The following SENP7 variants were observed in gnomAD, a reference collection of about 807,000 sequenced individuals.
SENP7 encodes the protein SUMO specific peptidase 7.
Under a neutral mutation model 141.2 loss-of-function variants are expected in SENP7, and 64 were observed. That is an observed-to-expected ratio of 0.45 (90% CI 0.37 to 0.56). The LOEUF is 0.56. SENP7 is among the 20% of genes least tolerant of loss of function. The probability of loss-of-function intolerance (pLI) is 0.00; values close to 1 mark genes in which losing one functional copy is unlikely to be tolerated. For synonymous variants in SENP7, 382 were observed against 426.4 expected (o/e 0.90, Z 1.28); for missense variants, 1,025 against 1,212.2 (o/e 0.85, Z 2.29).
intron 11 of SENP7, chr3:101,357,451 T>C: frequency 9.0e-7 from 1 of 1,109,294 alleles, no homozygotes; most frequent in Admixed American, 2.3e-5. Context: ...CGAAGAGACA[T>C]AAGATGATTG....
Position 101,341,745 on chromosome 3 carries a change from G to T in SENP7, c.2141C>A (p.Thr714Asn). 6.2e-7 allele frequency: 1 copy of T among 1,610,376 alleles called. No homozygotes were observed. The highest frequency in any genetic ancestry group is 8.5e-7 in the Non-Finnish European group (1 of 1,177,164). Residue 714 changes from threonine (T) to asparagine (N), a missense_variant, in exon 15 of 24, where the codon ACC (threonine) becomes AAC (asparagine). Physicochemically the swap from Thr to Asn is moderately conservative, Grantham distance 65 (BLOSUM62 0). This residue lies in a region of SENP7 where 295 missense variants were observed against 459.1 expected (regional missense o/e 0.64). Coordinates refer to ENST00000394095, the MANE Select transcript of SENP7 (RefSeq NM_020654.5). ...ACCGCTACTTTGCTTCTGCAGGAAG[G>T]TGTAAGTAGGCTTGGCCGCATCTGT... Reference protein sequence around the residue: ...SNTDAAKPTYTFLQKQSSGCY... With the variant: ...SNTDAAKPTYNFLQKQSSGCY...
chr3:101,504,162 A>AG lies in SENP7; in HGVS notation c.41-3044_41-3043insC, dbSNP rs1195125311. 4.0e-5 allele frequency among the ~76,000 whole-genome samples: 6 copies of AG among 151,696 alleles called. No homozygotes were observed. In the East Asian group the frequency reaches 1.2e-3, roughly 30 times the overall value. ...TAATGTTTTCCTGATCTAAAAAATT[A>AG]TTTTTGGGCCAGGCGCGGTGGCTGA... On this transcript the variant is annotated intron_variant, in intron 1 of 23. Transcript: ENST00000394095.
At chr3:101,433,547 C>T (rs577951552) in intron 4 of SENP7, among the ~76,000 whole-genome samples, 2 of 152,122 alleles carry the variant, frequency 1.3e-5, no homozygotes, top group African/African-American at 4.8e-5. Context: ...TAAAGACACA[C>T]ATAAACTAAA....
chr3:101,467,553 C>T (rs1487208363), intron 3 of SENP7, among the ~76,000 whole-genome samples: 2 of 152,210 alleles, frequency 1.3e-5, no homozygotes, highest in Non-Finnish European at 2.9e-5. Flanking sequence ...ATTGGTGATA[C>T]CCAGGCAAAC....
rs756921348 is a variant in SENP7 at position 101,341,724 on chromosome 3, C to T, written c.2162G>A (p.Ser721Asn). 5.0e-6 allele frequency: 8 copies of T among 1,611,752 alleles called. No individual in the cohort carries two copies. The highest frequency in any genetic ancestry group is 6.8e-6 in the Non-Finnish European group (8 of 1,178,416). ...PTYTFLQKQS[S>N]GCYSLSITSN... The stretch of plus-strand genomic sequence containing the variant: ...TGTAATAGAAAGGGAGTAGCAACCG[C>T]TACTTTGCTTCTGCAGGAAGGTGTA... The change falls in exon 15 of 24, where the codon AGC becomes AAC. Residue 721 changes from serine to asparagine, a missense_variant. By Grantham distance (46) the Ser-to-Asn change is conservative. Coordinates refer to ENST00000394095, the MANE Select transcript of SENP7 (RefSeq NM_020654.5).
At chr3:101,442,765 A>G (rs536701923) in intron 4 of SENP7, among the ~76,000 whole-genome samples, 19 of 152,322 alleles carry the variant, frequency 1.2e-4, no homozygotes, top group Admixed American at 6.5e-4. Context: ...AAAAAACACA[A>G]TTAAGAACTT....
At position 101,348,092 on chromosome 3, in the gene SENP7, T is replaced by C. The variant is rs368227674; in HGVS notation, c.1658-41A>G. 5.3e-5 allele frequency: 74 copies of C among 1,399,516 alleles called. No individual in the cohort carries two copies. The African/African-American group carries it at 9.2e-4, about 17-fold the overall frequency. 86.7% of individuals were successfully genotyped at this position (1,399,516 alleles called of 1,614,324 possible). A position where few individuals can be genotyped will look rare whatever the true frequency, so the allele number is the denominator to read the frequency against. On this transcript the variant is annotated intron_variant, in intron 12 of 23. Coordinates refer to ENST00000394095, the MANE Select transcript of SENP7 (RefSeq NM_020654.5). ...GACAACAATTTAAAAAATTAATCCA[T>C]TTAAGAATACACCACTTAAACATTA...
chr3:101,476,269 G>A (rs1373222109), intron 3 of SENP7, among the ~76,000 whole-genome samples: 4 of 150,960 alleles, frequency 2.6e-5, no homozygotes, highest in Admixed American at 1.3e-4. Flanking sequence ...TCCCCCAAAG[G>A]CCCCAGTGTG....
At chr3:101,375,904 A>G (rs112974281) in intron 6 of SENP7, among the ~76,000 whole-genome samples, 2,076 of 152,320 alleles carry the variant, frequency 0.014, 47 homozygotes, top group African/African-American at 0.047. Context: ...TTAAAGAGGT[A>G]ACTAAAATAG....
chr3:101,513,015 C>T, intron 1 of SENP7, 76 bp downstream of exon 1: 1 of 1,544,710 alleles, frequency 6.5e-7, no homozygotes, highest in Non-Finnish European at 8.9e-7. Context: ...GGGCCGCAAC[C>T]CCAGCTGCCG....
intron 14 of SENP7, among the ~76,000 whole-genome samples, 193 bp downstream of exon 14, chr3:101,343,493 T>C (rs542307786): frequency 1.3e-5 from 2 of 152,300 alleles, no homozygotes; most frequent in Non-Finnish European, 2.9e-5. Flanking sequence ...TTATTTTTTA[T>C]TTGGTTATAA....
chr3:101,402,328 A>G (rs2061168968), intron 5 of SENP7, among the ~76,000 whole-genome samples: 2 of 152,148 alleles, frequency 1.3e-5, no homozygotes, highest in South Asian at 4.1e-4. Flanking sequence ...GCCCTTAAGA[A>G]TTATGCTAAA....
At chr3:101,502,372 G>A (rs1261467513) in intron 1 of SENP7, among the ~76,000 whole-genome samples, 1 of 152,128 alleles carries the variant, frequency 6.6e-6, no homozygotes, top group Non-Finnish European at 1.5e-5. Context: ...GCACAATCTC[G>A]GCTCACTGCA....
At chr3:101,343,308 G>C (rs946454501) in intron 14 of SENP7, among the ~76,000 whole-genome samples, 2 of 151,948 alleles carry the variant, frequency 1.3e-5, no homozygotes, top group Non-Finnish European at 2.9e-5. Context: ...AGCATCTGTT[G>C]GTGGACTTTG....
chr3:101,326,446 G>A (rs2058901184), intron 23 of SENP7, among the ~76,000 whole-genome samples: 1 of 152,030 alleles, frequency 6.6e-6, no homozygotes, highest in South Asian at 2.1e-4. Flanking sequence ...TCAAAAAGTT[G>A]TAGCTGCATA....
intron 6 of SENP7, among the ~76,000 whole-genome samples, chr3:101,378,001 G>A (rs2060383338): frequency 1.3e-5 from 2 of 152,178 alleles, no homozygotes; most frequent in African/African-American, 4.8e-5. Flanking sequence ...CACATGCCTA[G>A]CGTTCCAGTA....
chr3:101,502,834 C>G (rs1295420063), intron 1 of SENP7, among the ~76,000 whole-genome samples: 5 of 151,298 alleles, frequency 3.3e-5, no homozygotes, highest in Admixed American at 6.6e-5. Flanking sequence ...AAGGATCACT[C>G]GAGCCTGGGA....
intron 6 of SENP7, 88 bp downstream of exon 6, chr3:101,398,773 T>C (rs1046646022): frequency 1.0e-5 from 10 of 994,856 alleles, no homozygotes; most frequent in Admixed American, 2.6e-5. Flanking sequence ...TACCTCACAT[T>C]TAGCAATAAT....
At chr3:101,501,554 T>G (rs932730548) in intron 1 of SENP7, among the ~76,000 whole-genome samples, 1 of 145,188 alleles carries the variant, frequency 6.9e-6, no homozygotes, top group African/African-American at 2.5e-5. Context: ...TCAGTTCTAC[T>G]ACATATCTAA....
Sources: gnomAD v4.1 joint callset for allele counts (sites outside exome capture counted in the v4.1 genomes callset) on GRCh38, gnomAD v4.1.1 for gene constraint, gnomAD v4.1.1 regional missense constraint, MANE v1.5 for transcripts, NCBI Gene and HGNC (gene_info 2026-07-23, HGNC 2026-07-21) for gene names.